RMC1: variants seen among roughly 807,000 people sequenced by gnomAD.
RMC1 encodes the protein regulator of MON1-CCZ1.
A neutral mutation model predicts 95.5 loss-of-function variants in RMC1; 44 were observed. That is an observed-to-expected ratio of 0.46 (90% CI 0.36 to 0.59). RMC1 has a LOEUF of 0.59. Among genes scored for constraint, RMC1 ranks in the 20% least tolerant of loss-of-function variants. RMC1 has a pLI of 0.00. For synonymous variants in RMC1, 320 were observed against 303.6 expected (o/e 1.05, Z -0.56); for missense variants, 705 against 819.6 (o/e 0.86, Z 1.71).
chr18:23,518,268 T>A (rs1326745811), intron 7 of RMC1, among the ~76,000 whole-genome samples: 1 of 152,040 alleles, frequency 6.6e-6, no homozygotes, highest in Non-Finnish European at 1.5e-5. Flanking sequence ...GGCAGGGGGA[T>A]CGCCTTGAGG....
Position 23,518,879 on chromosome 18 carries a change from T to C in RMC1, c.654-11T>C, listed in dbSNP as rs756763935. ...CCAGATGTGATTTATGTCTGTTTGT[T>C]CCCTAATTAGATACGGGCAGCTGTA... On this transcript the variant is annotated splice_polypyrimidine_tract_variant and intron_variant, in intron 7 of 19. Coordinates refer to ENST00000269221, the MANE Select transcript of RMC1 (RefSeq NM_013326.5). 2.5e-6 allele frequency: 4 copies of C among 1,613,244 alleles called. No individual in the cohort carries two copies. The South Asian group carries it at 4.4e-5, about 18-fold the overall frequency.
chr18:23,503,771 G>A, intron 1 of RMC1, 51 bp downstream of exon 1: 1 of 1,508,266 alleles, frequency 6.6e-7, no homozygotes, highest in Non-Finnish European at 9.0e-7. Flanking sequence ...GGGGTCGTGG[G>A]CGCGCCAAGG....
chr18:23,508,781 G>A (rs921671544), intron 4 of RMC1: 7 of 152,400 alleles, frequency 4.6e-5, no homozygotes, highest in African/African-American at 1.7e-4. Flanking sequence ...AGTCGGGTGT[G>A]TGTCTCAGGG....
intron 17 of RMC1, 29 bp from the exon 18 acceptor site, chr18:23,530,200 A>G (rs757117363): frequency 2.5e-6 from 4 of 1,614,014 alleles, no homozygotes; most frequent in Admixed American, 1.7e-5. Context: ...TATCTTTCCA[A>G]CTGAAGTGGG....
intron 1 of RMC1, among the ~76,000 whole-genome samples, 193 bp downstream of exon 1, chr18:23,503,913 G>A (rs2057653183): frequency 1.3e-5 from 2 of 151,930 alleles, no homozygotes; most frequent in Non-Finnish European, 2.9e-5. Context: ...AGGTGACCTC[G>A]GGGCTGGACC....
chr18:23,509,232 T>G lies in RMC1; in HGVS notation c.361T>G (p.Ser121Ala). ...ANILGFCWTS[S>A]TEIVFITDQG... ...CATTCTAGGATTCTGCTGGACTAGT[T>G]CAACTGAAATTGTCTTCATAACAGA... The change falls in exon 5 of 20, where the codon TCA becomes GCA. Residue 121 changes from serine to alanine, a missense_variant. Transcript: ENST00000269221. 11 of 1,468,312 alleles carry G rather than the reference T, an allele frequency of 7.5e-6. No homozygotes were observed. The highest frequency in any genetic ancestry group is 9.9e-6 in the Non-Finnish European group (11 of 1,108,520). 91.0% of individuals were successfully genotyped at this position (1,468,312 alleles called of 1,614,324 possible). A position where few individuals can be genotyped will look rare whatever the true frequency, so the allele number is the denominator to read the frequency against.
Position 23,526,771 on chromosome 18 carries a change from T to G in RMC1, c.1189+6T>G. On this transcript the variant is annotated splice_donor_region_variant and intron_variant, in intron 13 of 19. Transcript: ENST00000269221. ...CCTGTCTGTCTGTTCACAGAGTAAG[T>G]TGAATCCTTCCCCCTTGCTCTGATT... The G allele has an allele frequency of 2.5e-6, 4 of 1,613,588 alleles. No individual in the cohort carries two copies. The highest frequency in any genetic ancestry group is 3.4e-6 in the Non-Finnish European group (4 of 1,179,778).
At position 23,526,754 on chromosome 18, in the gene RMC1, T is replaced by C; in HGVS notation, c.1178T>C (p.Val393Ala). ...RKECKMVILS[V>A]CSQMLSESDR... is the part of the protein sequence containing the mutation. Reference sequence around the variant, plus strand: ...GAATGCAAGATGGTCATCCTGTCTGTCTGTTCACAGAGTAAGTTGAATCCT... The same window carrying C: ...GAATGCAAGATGGTCATCCTGTCTGCCTGTTCACAGAGTAAGTTGAATCCT... The change falls in exon 13 of 20, where the codon GTC becomes GCC. Residue 393 changes from valine to alanine, a missense_variant. Transcript: ENST00000269221. 6.2e-7 allele frequency: 1 copy of C among 1,614,040 alleles called. No individual in the cohort carries two copies. Among genetic ancestry groups the C allele is most frequent in the Non-Finnish European group, 8.5e-7 (1 of 1,179,996 alleles).
At position 23,529,172 on chromosome 18, in the gene RMC1, C is replaced by A. The variant is rs1240803453; in HGVS notation, c.1297-7C>A. 3 of 1,604,608 alleles carry A rather than the reference C, an allele frequency of 1.9e-6. No individual in the cohort carries two copies. Among genetic ancestry groups the A allele is most frequent in the Non-Finnish European group, 2.5e-6 (3 of 1,177,444 alleles). ...GAAGATCATAGTTTGTGGTTTTTTT[C>A]TTTCAGGCGGTGGAAGCAGGGCAGA... is the stretch of plus-strand genomic sequence containing the variant. On this transcript the variant is annotated splice_polypyrimidine_tract_variant and splice_region_variant and intron_variant, in intron 14 of 19. Coordinates refer to ENST00000269221, the MANE Select transcript of RMC1 (RefSeq NM_013326.5).
chr18:23,527,150 G>A, intron 13 of RMC1, among the ~76,000 whole-genome samples: 1 of 140,752 alleles, frequency 7.1e-6, no homozygotes, highest in East Asian at 2.1e-4. Flanking sequence ...CTGGGAGGCT[G>A]AAGCAGGAGG....
intron 19 of RMC1, chr18:23,531,371 G>A (rs371642931): frequency 3.6e-6 from 2 of 552,434 alleles, no homozygotes; most frequent in Non-Finnish European, 5.7e-6. Flanking sequence ...GCTGTCTAAT[G>A]AAACTTCTAG....
At position 23,503,524 on chromosome 18, in the gene RMC1, C is replaced by T. The variant is rs1469703474; in HGVS notation, c.-95C>T. The T allele has an allele frequency of 2.1e-5, 17 of 809,798 alleles. No individual in the cohort carries two copies. The highest frequency in any genetic ancestry group is 2.4e-5 in the Non-Finnish European group (14 of 591,310). 50.2% of individuals were successfully genotyped at this position (809,798 alleles called of 1,614,324 possible). On this transcript the variant is annotated 5_prime_UTR_variant, in exon 1 of 20. Coordinates refer to ENST00000269221, the MANE Select transcript of RMC1 (RefSeq NM_013326.5). Reference sequence around the variant, plus strand: ...CGCGCCGGGCCCAGAGCCGCAGCCGCAGCCGCCGCTACAGTCCGGGCCGGG... The same window carrying T: ...CGCGCCGGGCCCAGAGCCGCAGCCGTAGCCGCCGCTACAGTCCGGGCCGGG...
At chr18:23,529,466 T>TA in intron 15 of RMC1, 168 bp downstream of exon 15, 1 of 1,258,478 alleles carries the variant, frequency 7.9e-7, no homozygotes, top group Non-Finnish European at 1.1e-6. Flanking sequence ...TGCTGAGGCC[T>TA]AAAGCATAAT....
Position 23,519,139 on chromosome 18 carries a change from G to A in RMC1, c.814G>A (p.Asp272Asn). 6.2e-7 allele frequency: 1 copy of A among 1,614,176 alleles called. No individual in the cohort carries two copies. Among genetic ancestry groups the A allele is most frequent in the Non-Finnish European group, 8.5e-7 (1 of 1,180,028 alleles). ...GGGAAAGTTTGCCCTGAACGTGGTG[G>A]ACAACCTGGTAGTCGTGCATCATCA... Reference protein sequence around the residue: ...RTGKFALNVVDNLVVVHHQDT... With the variant: ...RTGKFALNVVNNLVVVHHQDT... Residue 272 changes from aspartate to asparagine, a missense_variant, in exon 9 of 20, where the codon GAC (aspartate) becomes AAC (asparagine). Coordinates refer to ENST00000269221, the MANE Select transcript of RMC1 (RefSeq NM_013326.5).
chr18:23,525,917 A>T (rs2058286460), intron 12 of RMC1, among the ~76,000 whole-genome samples: 2 of 152,148 alleles, frequency 1.3e-5, no homozygotes, highest in African/African-American at 4.8e-5. Context: ...ACTGTATGTA[A>T]TGCATTGTTG....
Position 23,530,416 on chromosome 18 carries a change from A to G in RMC1, c.1698A>G (p.Val566=), listed in dbSNP as rs762984838. Residue 566 remains valine (V), a synonymous_variant, in exon 19 of 20, where the codon GTA becomes GTG. Transcript: ENST00000269221. ...TTTCAACAGCAAATGATGAAATAGT[A>G]GAAGTTCTCCTTTCCAAACACCAAG... ...KRLSTANDEI[V]EVLLSKHQVL... is the part of the protein sequence containing the mutation. 4.3e-6 allele frequency: 7 copies of G among 1,614,256 alleles called. No individual in the cohort carries two copies.
intron 12 of RMC1, among the ~76,000 whole-genome samples, chr18:23,525,949 C>T (rs1197284769): frequency 6.6e-6 from 1 of 152,220 alleles, no homozygotes; most frequent in African/African-American, 2.4e-5. Context: ...TAACCCATAG[C>T]CTCATGTGAC....
intron 4 of RMC1, 91 bp downstream of exon 4, chr18:23,508,132 C>A: frequency 1.7e-6 from 2 of 1,201,572 alleles, no homozygotes; most frequent in Non-Finnish European, 2.3e-6. Flanking sequence ...TCGCAGGGAG[C>A]ACAGACTTGA....
At chr18:23,512,534 C>T (rs2057889458) in intron 5 of RMC1, among the ~76,000 whole-genome samples, 1 of 152,056 alleles carries the variant, frequency 6.6e-6, no homozygotes, top group Non-Finnish European at 1.5e-5. Flanking sequence ...AGTCCTCCCA[C>T]CTCAGCTTCC....
Sources: allele counts gnomAD v4.1 joint callset (sites outside exome capture counted in the v4.1 genomes callset), GRCh38; gene constraint gnomAD v4.1.1; transcripts MANE v1.5; gene names NCBI Gene and HGNC (gene_info 2026-07-23, HGNC 2026-07-21).